ALPK3: variants seen among roughly 807,000 people sequenced by gnomAD.
ALPK3 encodes alpha-protein kinase 3.
Under a neutral mutation model 140.0 loss-of-function variants are expected in ALPK3, and 102 were observed. The ratio of observed to expected loss-of-function variants is 0.73; its 90% CI spans 0.62 to 0.86. The LOEUF (loss-of-function observed/expected upper bound fraction) is 0.86, where lower values mean the gene tolerates loss of function less well. Ranked by LOEUF, ALPK3 falls within the 40% of genes least tolerant of loss-of-function variation. The pLI is 0.00. For synonymous variants in ALPK3, 938 were observed against 898.5 expected, an observed-to-expected ratio of 1.04 and a Z score of -0.79; for missense variants, 2,254 against 2,208.2, an observed-to-expected ratio of 1.02 and a Z score of -0.42.
chr15:84,824,795 G>A (rs1268773247), intron 2 of ALPK3, among the ~76,000 whole-genome samples: 1 of 152,220 alleles, frequency 6.6e-6, no homozygotes, highest in Admixed American at 6.5e-5. Flanking sequence ...GAGTTGGAAG[G>A]ACTTGTCAGG....
rs532449663 is a variant in ALPK3 at position 84,844,892 on chromosome 15, C to A, written c.1653+3960C>A. ...AGGTGGAAAAGACTTGAAAATGAACCAACTAGAATTCCAGAGCTGAAAAAT... is the reference window on the plus strand; with the variant it reads ...AGGTGGAAAAGACTTGAAAATGAACAAACTAGAATTCCAGAGCTGAAAAAT... On this transcript the variant is annotated intron_variant, in intron 5 of 13. Coordinates refer to ENST00000258888, the MANE Select transcript of ALPK3 (RefSeq NM_020778.5). Among the ~76,000 whole-genome samples the A allele has an allele frequency of 3.3e-5, 5 of 152,212 alleles. No individual in the cohort carries two copies. In the South Asian group the frequency reaches 8.3e-4, roughly 25 times the overall value.
rs1964038938 is a variant in ALPK3 at position 84,869,172 on chromosome 15, A to G, written c.*716A>G. The G allele has an allele frequency of 6.5e-6, 1 of 153,472 alleles. No individual in the cohort carries two copies. Among genetic ancestry groups the G allele is most frequent in the Non-Finnish European group, 1.4e-5 (1 of 69,096 alleles). The allele number at this position is 153,472 out of a possible 1,614,324, so 9.5% of individuals were successfully genotyped here. ...CATCCCTGTCTTGGGGCCCAGCTGC[A>G]GCCTGCTGCCTGCCCTTCATGGCTC... On this transcript the variant is annotated 3_prime_UTR_variant, in exon 14 of 14. Transcript: ENST00000258888.
At position 84,837,692 on chromosome 15, in the gene ALPK3, T is replaced by C. The variant is rs1596148936; in HGVS notation, c.305-1288T>C. ...TTGGTAAGTCCAGAGGGGCTTCTTA[T>C]GGAATTGACAAGAGGAGGGCAGCTG... On this transcript the variant is annotated intron_variant, in intron 3 of 13. Transcript: ENST00000258888. Among the ~76,000 whole-genome samples the C allele has an allele frequency of 2.0e-5, 3 of 152,220 alleles. No individual in the cohort carries two copies. In the South Asian group the frequency reaches 6.2e-4, roughly 31 times the overall value.
intron 12 of ALPK3, among the ~76,000 whole-genome samples, chr15:84,866,798 TG>T (rs1286389718): frequency 6.6e-6 from 1 of 152,202 alleles, no homozygotes; most frequent in Non-Finnish European, 1.5e-5. Flanking sequence ...CTCTTTTGTC[TG>T]GACAGACTAC....
intron 5 of ALPK3, among the ~76,000 whole-genome samples, chr15:84,844,789 G>A (rs964703218): frequency 3.3e-5 from 5 of 152,110 alleles, no homozygotes; most frequent in Admixed American, 2.0e-4. Context: ...CCCGAGAGGT[G>A]GAGGTTGCAG....
chr15:84,858,974 A>G (rs1299769935), intron 6 of ALPK3, among the ~76,000 whole-genome samples: 1 of 152,184 alleles, frequency 6.6e-6, no homozygotes, highest in Non-Finnish European at 1.5e-5. Flanking sequence ...TTCCTGTCTC[A>G]ACTGCTGTCT....
rs911323614 is a variant in ALPK3 at position 84,857,219 on chromosome 15, C to T, written c.2481C>T (p.Val827=). ...GAGGGCCACAGTCATCAGGCCCAGT[C>T]GAGGCCAAGCAGGAGGACAGCCCGT... ...RCRGPQSSGP[V]EAKQEDSPFQ... The change falls in exon 6 of 14, where the codon GTC becomes GTT. Residue 827 remains valine, a synonymous_variant. Coordinates refer to ENST00000258888, the MANE Select transcript of ALPK3 (RefSeq NM_020778.5). 1.5e-5 allele frequency: 25 copies of T among 1,613,870 alleles called. No homozygotes were observed. The highest frequency in any genetic ancestry group is 6.7e-5 in the African/African-American group (5 of 74,900).
rs150385353 is a variant in ALPK3, at chr15:84,857,485, T to A, written c.2747T>A (p.Leu916Gln). 1 of 1,606,558 alleles carries A rather than the reference T, an allele frequency of 6.2e-7. No homozygotes were observed. Among genetic ancestry groups the A allele is most frequent in the South Asian group, 1.1e-5 (1 of 90,154 alleles). The change falls in exon 6 of 14, where the codon CTG becomes CAG. Residue 916 changes from leucine (L) to glutamine (Q), a missense_variant. Coordinates refer to ENST00000258888, the MANE Select transcript of ALPK3 (RefSeq NM_020778.5). The stretch of plus-strand genomic sequence containing the variant: ...TCTGCCCCAACACTGCACCTGGGGC[T>A]GGGGACCCCCACTCAGAGTCACCCA... The part of the protein sequence containing the change: ...MSSAPTLHLG[L>Q]GTPTQSHPPE...
At chr15:84,826,099 C>G (rs1963484910) in intron 2 of ALPK3, among the ~76,000 whole-genome samples, 2 of 152,154 alleles carry the variant, frequency 1.3e-5, no homozygotes, top group African/African-American at 4.8e-5. Context: ...TGTGGTGAAA[C>G]CACAGCAGGA....
At chr15:84,863,683 G>A in intron 11 of ALPK3, 43 bp downstream of exon 11, 1 of 1,572,092 alleles carries the variant, frequency 6.4e-7, no homozygotes, top group South Asian at 1.1e-5. Flanking sequence ...CAGCACTGTT[G>A]CCTTGGGCTT....
rs764422734 is a variant in ALPK3, at chr15:84,857,963, G to T, written c.3225G>T (p.Val1075=). The T allele has an allele frequency of 1.2e-6, 2 of 1,608,302 alleles. No homozygotes were observed. Among genetic ancestry groups the T allele is most frequent in the African/African-American group, 1.3e-5 (1 of 74,874 alleles). ...GPSSLTVPAI[V]VDEEDPGLAS... is the part of the protein sequence containing the mutation. ...GCTCCCTCACTGTCCCTGCCATTGT[G>T]GTAGACGAGGAGGACCCTGGGCTGG... is the stretch of plus-strand genomic sequence containing the variant. Residue 1075 remains valine, a synonymous_variant, in exon 6 of 14, where the codon GTG becomes GTT. Coordinates refer to ENST00000258888, the MANE Select transcript of ALPK3 (RefSeq NM_020778.5).
intron 9 of ALPK3, 121 bp downstream of exon 9, chr15:84,860,193 T>G (rs2141571048): frequency 1.6e-6 from 2 of 1,260,130 alleles, no homozygotes; most frequent in Non-Finnish European, 2.3e-6. Flanking sequence ...CCTCTTAGTT[T>G]AGGATATGGC....
chr15:84,817,357 G>C lies in ALPK3; in HGVS notation c.-96G>C, dbSNP rs1963370921. The C allele has an allele frequency of 8.1e-7, 1 of 1,233,100 alleles. No individual in the cohort carries two copies. Among genetic ancestry groups the C allele is most frequent in the Non-Finnish European group, 1.0e-6 (1 of 990,166 alleles). The allele number at this position is 1,233,100 out of a possible 1,614,324, so 76.4% of individuals were successfully genotyped here. A position where few individuals can be genotyped will look rare whatever the true frequency, so the allele number is the denominator to read the frequency against. On this transcript the variant is annotated 5_prime_UTR_variant, in exon 1 of 14. Transcript: ENST00000258888. ...TAGGGGCGCGCGTCAGCCGCGGGCG[G>C]GAGCGGCGGCGGCGGGCAGGGGCCC...
chr15:84,868,085 A>C, intron 13 of ALPK3, 26 bp from the exon 14 acceptor site: 1 of 1,592,596 alleles, frequency 6.3e-7, no homozygotes, highest in Non-Finnish European at 8.6e-7. Context: ...TGGGACCCCC[A>C]CTCAGCTCTT....
Position 84,863,686 on chromosome 15 carries a change from T to G in ALPK3, c.4499+46T>G, listed in dbSNP as rs2289139. 619 of 1,565,542 alleles carry G rather than the reference T, an allele frequency of 4.0e-4. 2 individuals carry two copies. In the East Asian group the frequency reaches 0.014, roughly 35 times the overall value. On this transcript the variant is annotated intron_variant, in intron 11 of 13. Coordinates refer to ENST00000258888, the MANE Select transcript of ALPK3 (RefSeq NM_020778.5). Reference sequence around the variant, plus strand: ...ACGTGCAGTGTGCAGCACTGTTGCCTTGGGCTTCTGCAAAGACAGTGATTT... The same window carrying G: ...ACGTGCAGTGTGCAGCACTGTTGCCGTGGGCTTCTGCAAAGACAGTGATTT...
chr15:84,819,372 G>GT (rs1232959693), intron 1 of ALPK3, among the ~76,000 whole-genome samples: 3 of 152,218 alleles, frequency 2.0e-5, no homozygotes, highest in Admixed American at 6.5e-5. Flanking sequence ...CCCCTGCAGA[G>GT]TTTTTTACTG....
intron 3 of ALPK3, among the ~76,000 whole-genome samples, chr15:84,833,223 C>T (rs937713115): frequency 4.6e-5 from 7 of 152,196 alleles, no homozygotes. Flanking sequence ...TCTCTGATAT[C>T]CATACCTTAG....
At chr15:84,842,187 C>A (rs1963674021) in intron 5 of ALPK3, among the ~76,000 whole-genome samples, 1 of 152,180 alleles carries the variant, frequency 6.6e-6, no homozygotes, top group African/African-American at 2.4e-5. Flanking sequence ...GTGTGAGGCA[C>A]CATGCTCAGC....
chr15:84,860,207 G>T, intron 9 of ALPK3, 135 bp downstream of exon 9: 1 of 1,109,842 alleles, frequency 9.0e-7, no homozygotes, highest in Non-Finnish European at 1.3e-6. Flanking sequence ...ATATGGCTTG[G>T]GAGATGATGG....
Sources: allele counts gnomAD v4.1 joint callset (sites outside exome capture counted in the v4.1 genomes callset), GRCh38; gene constraint gnomAD v4.1.1; transcripts MANE v1.5; gene names NCBI Gene and HGNC (gene_info 2026-07-23, HGNC 2026-07-21).